Variants in AP4E1 observed in about 807,000 individuals in gnomAD.
The protein encoded by AP4E1 is AP-4 complex subunit epsilon-1.
Under a neutral mutation model 128.2 loss-of-function variants are expected in AP4E1, and 56 were observed. The observed-to-expected ratio is 0.44, with a 90% CI of 0.35 to 0.55. AP4E1 has a LOEUF of 0.55. AP4E1 is among the 20% of genes least tolerant of loss of function. AP4E1 has a pLI of 0.00. For synonymous variants in AP4E1, 484 were observed against 473.1 expected (o/e 1.02, Z -0.30); for missense variants, 1,324 against 1,307.7 (o/e 1.01, Z -0.19).
At chr15:50,954,490 C>A (rs2064190406) in intron 13 of AP4E1, among the ~76,000 whole-genome samples, 1 of 152,078 alleles carries the variant, frequency 6.6e-6, no homozygotes, top group African/African-American at 2.4e-5. Context: ...TTTTCCCCCC[C>A]TTGGGACTTA....
At chr15:50,966,531 CTTTT>C (rs11329556) in intron 14 of AP4E1, among the ~76,000 whole-genome samples, 1 of 96,422 alleles carries the variant, frequency 1.0e-5, no homozygotes, top group Non-Finnish European at 2.0e-5. Flanking sequence ...TCTCAAGAAT[CTTTT>C]TTTTTTTTTT....
chr15:50,984,329 A>T (rs1211535260), intron 16 of AP4E1, among the ~76,000 whole-genome samples, 184 bp downstream of exon 16: 2 of 151,882 alleles, frequency 1.3e-5, no homozygotes, highest in Admixed American at 6.6e-5. Context: ...ATTATACTTT[A>T]AGTTCTAGGG....
rs1184762731 is a variant in AP4E1 at position 51,005,242 on chromosome 15, T to C, written c.*2580T>C. 1 of 152,278 alleles carries C rather than the reference T, an allele frequency of 6.6e-6. No homozygotes were observed. The highest frequency in any genetic ancestry group is 1.5e-5 in the Non-Finnish European group (1 of 68,052). 9.4% of individuals were successfully genotyped at this position (152,278 alleles called of 1,614,324 possible). A position where few individuals can be genotyped will look rare whatever the true frequency, so the allele number is the denominator to read the frequency against. On this transcript the variant is annotated 3_prime_UTR_variant, in exon 21 of 21. Transcript: ENST00000261842. ...TACCTAATAGTCATAATTTAGTCAG[T>C]GAAGGGACAACATCTGGGGTAAGAG...
intron 13 of AP4E1, among the ~76,000 whole-genome samples, chr15:50,951,726 CTTTTT>C (rs71127166): frequency 7.9e-6 from 1 of 126,028 alleles, no homozygotes; most frequent in Non-Finnish European, 1.7e-5. Context: ...AATTTTCTTT[CTTTTT>C]TTTTTTTTTT....
intron 15 of AP4E1, among the ~76,000 whole-genome samples, chr15:50,981,406 G>A (rs1567253369): frequency 1.3e-5 from 2 of 152,142 alleles, no homozygotes; most frequent in African/African-American, 4.8e-5. Context: ...TTTGGAATGG[G>A]AATATCTACT....
chr15:50,972,410 C>G (rs1302767440), intron 15 of AP4E1, among the ~76,000 whole-genome samples: 2 of 152,062 alleles, frequency 1.3e-5, no homozygotes, highest in African/African-American at 4.8e-5. Context: ...CGGGGTTTCA[C>G]CATGTTGGTC....
chr15:50,958,043 A>G (rs1435383115), intron 13 of AP4E1, among the ~76,000 whole-genome samples: 2 of 152,116 alleles, frequency 1.3e-5, no homozygotes, highest in Non-Finnish European at 2.9e-5. Context: ...TCAAATGTAT[A>G]TTCTCGGGGA....
chr15:51,000,631 C>T (rs2140938771), intron 19 of AP4E1, among the ~76,000 whole-genome samples: 1 of 152,252 alleles, frequency 6.6e-6, no homozygotes, highest in East Asian at 1.9e-4. Flanking sequence ...ACTTAAGGTG[C>T]AAGATCTTTG....
intron 10 of AP4E1, among the ~76,000 whole-genome samples, chr15:50,947,605 A>G (rs749998093): frequency 6.6e-6 from 1 of 152,190 alleles, no homozygotes; most frequent in African/African-American, 2.4e-5. Flanking sequence ...CTTCTGTAGC[A>G]TGGGAAATAG....
At chr15:50,921,912 T>C (rs1402266239) in intron 3 of AP4E1, among the ~76,000 whole-genome samples, 1 of 152,142 alleles carries the variant, frequency 6.6e-6, no homozygotes, top group African/African-American at 2.4e-5. Context: ...GAACTAAGGT[T>C]TCATTGAGAT....
In AP4E1 at chr15:50,930,825, A is replaced by G. The variant is rs544897969; in HGVS notation, c.723A>G (p.Lys241=). 9.3e-6 allele frequency: 15 copies of G among 1,614,128 alleles called. No homozygotes were observed. The African/African-American group carries it at 1.9e-4, about 20-fold the overall frequency. Residue 241 remains lysine, a synonymous_variant, in exon 7 of 21, where the codon AAA becomes AAG. Coordinates refer to ENST00000261842, the MANE Select transcript of AP4E1 (RefSeq NM_007347.5). ...TGTAGGAGAATTCATCTGGATATAA[A>G]GACTTGACTGGGAGTTTTGTAACCA... ...RMIKENSSGY[K]DLTGSFVTIL...
chr15:50,907,988 T>C (rs2063510476), upstream of AP4E1, among the ~76,000 whole-genome samples: 1 of 152,210 alleles, frequency 6.6e-6, no homozygotes, highest in Admixed American at 6.5e-5. Flanking sequence ...CTTGGAGACC[T>C]ATCCTTGCCC....
chr15:50,965,328 A>G (rs947771273), intron 14 of AP4E1, among the ~76,000 whole-genome samples: 1 of 152,190 alleles, frequency 6.6e-6, no homozygotes, highest in Non-Finnish European at 1.5e-5. Context: ...TTGGCTGGGC[A>G]TAATGGTTGT....
At chr15:50,987,446 A>G (rs2064744419) in intron 16 of AP4E1, among the ~76,000 whole-genome samples, 1 of 152,314 alleles carries the variant, frequency 6.6e-6, no homozygotes, top group South Asian at 2.1e-4. Flanking sequence ...ATTTAGTGCT[A>G]TAAATTTCCC....
chr15:50,976,686 C>G (rs546935412), intron 15 of AP4E1, among the ~76,000 whole-genome samples: 3 of 152,148 alleles, frequency 2.0e-5, no homozygotes, highest in African/African-American at 4.8e-5. Flanking sequence ...TTGTAGGATG[C>G]AAAGTCAACA....
intron 19 of AP4E1, among the ~76,000 whole-genome samples, chr15:51,000,322 G>A (rs778403910): frequency 4.6e-5 from 7 of 151,716 alleles, no homozygotes; most frequent in Non-Finnish European, 8.8e-5. Flanking sequence ...TGTGTTTTTT[G>A]TAGAGATAGG....
chr15:50,930,771 T>C, intron 6 of AP4E1, 34 bp from the exon 7 acceptor site: 1 of 1,610,260 alleles, frequency 6.2e-7, no homozygotes, highest in Non-Finnish European at 8.5e-7. Flanking sequence ...TAATAAGACG[T>C]TATTAACAAA....
intron 13 of AP4E1, among the ~76,000 whole-genome samples, chr15:50,958,144 G>C (rs185595840): frequency 1.3e-5 from 2 of 152,112 alleles, no homozygotes; most frequent in African/African-American, 4.8e-5. Flanking sequence ...ACTACGTGTA[G>C]TAAGAACCAT....
At chr15:50,980,803 G>C (rs555845430) in intron 15 of AP4E1, among the ~76,000 whole-genome samples, 2 of 152,252 alleles carry the variant, frequency 1.3e-5, no homozygotes, top group Non-Finnish European at 2.9e-5. Flanking sequence ...ATTGGGCCCA[G>C]GTGTGGCTTG....
Sources: allele counts gnomAD v4.1 joint callset (sites outside exome capture counted in the v4.1 genomes callset), GRCh38; gene constraint gnomAD v4.1.1; transcripts MANE v1.5; gene names NCBI Gene and HGNC (gene_info 2026-07-23, HGNC 2026-07-21).